Variants in UGT2B7 observed in about 807,000 individuals in gnomAD.
UGT2B7 encodes the protein UDP glucuronosyltransferase family 2 member B7, also known as UDP-glucuronosyltransferase 2B7.
In UGT2B7, 51 loss-of-function variants were observed where a neutral mutation model predicts 51.9. The observed-to-expected ratio is 0.98, with a 90% CI of 0.78 to 1.24. The LOEUF (loss-of-function observed/expected upper bound fraction) is 1.24, where lower values mean the gene tolerates loss of function less well. UGT2B7 is among the 50% of genes most tolerant of loss of function. The probability of loss-of-function intolerance (pLI) is 0.00; values close to 1 mark genes in which losing one functional copy is unlikely to be tolerated. For missense variants in UGT2B7, 727 were observed against 628.4 expected (o/e 1.16, Z -1.68); for synonymous variants, 225 against 211.6 (o/e 1.06, Z -0.55).
chr4:69,105,143 A>T (rs555504456), intron 3 of UGT2B7, among the ~76,000 whole-genome samples: 1 of 152,234 alleles, frequency 6.6e-6, no homozygotes, highest in African/African-American at 2.4e-5. Flanking sequence ...CCCCACAAGG[A>T]CTCTGCACTA....
chr4:69,080,985 A>G (rs987416137), intron 1 of UGT2B7, among the ~76,000 whole-genome samples: 1 of 151,998 alleles, frequency 6.6e-6, no homozygotes, highest in Admixed American at 6.5e-5. Flanking sequence ...AGCTGAGTAG[A>G]TAGATAAATT....
At chr4:69,081,289 A>G (rs904870163) in intron 1 of UGT2B7, among the ~76,000 whole-genome samples, 4 of 152,106 alleles carry the variant, frequency 2.6e-5, no homozygotes, top group African/African-American at 4.8e-5. Context: ...TATATTCCTC[A>G]CATTTACTAT....
intron 1 of UGT2B7, among the ~76,000 whole-genome samples, chr4:69,081,325 A>G (rs896072645): frequency 6.6e-6 from 1 of 150,870 alleles, no homozygotes; most frequent in Non-Finnish European, 1.5e-5. Context: ...CAGCCCTATA[A>G]TCTCATACTT....
intron 1 of UGT2B7, among the ~76,000 whole-genome samples, chr4:69,057,662 G>A (rs1366774003): frequency 6.6e-6 from 1 of 152,150 alleles, no homozygotes; most frequent in African/African-American, 2.4e-5. Flanking sequence ...AGGAACAACC[G>A]GGTCCGACTG....
chr4:69,098,974 C>T (rs1239676705), intron 2 of UGT2B7, among the ~76,000 whole-genome samples: 1 of 151,842 alleles, frequency 6.6e-6, no homozygotes, highest in Non-Finnish European at 1.5e-5. Flanking sequence ...GTCATCCAAT[C>T]AAATAATATT....
At chr4:69,058,280 G>A (rs1158061863) in intron 1 of UGT2B7, among the ~76,000 whole-genome samples, 2 of 152,166 alleles carry the variant, frequency 1.3e-5, no homozygotes, top group Non-Finnish European at 2.9e-5. Context: ...CTGCCTCTGA[G>A]GAGTCAAGCT....
At chr4:69,109,187 A>G (rs997906195) in intron 5 of UGT2B7, among the ~76,000 whole-genome samples, 6 of 152,192 alleles carry the variant, frequency 3.9e-5, no homozygotes, top group Middle Eastern at 3.4e-3. Flanking sequence ...ATTGTTTTCA[A>G]TTGTGGCTAT....
intron 2 of UGT2B7, among the ~76,000 whole-genome samples, chr4:69,100,193 A>G (rs1037765155): frequency 5.9e-5 from 9 of 152,056 alleles, no homozygotes; most frequent in Non-Finnish European, 1.2e-4. Flanking sequence ...ACTCGTCTCA[A>G]CATCATAGCT....
chr4:69,058,656 CCAGGGGGATAT>C (rs542959624), intron 1 of UGT2B7, among the ~76,000 whole-genome samples: 22 of 152,168 alleles, frequency 1.4e-4, no homozygotes, highest in African/African-American at 5.1e-4. Context: ...TAGAGCAGGC[CCAGGGGGATAT>C]CAGGCAAAAA....
upstream of UGT2B7, among the ~76,000 whole-genome samples, chr4:69,091,671 A>C (rs573115206): frequency 6.6e-6 from 1 of 152,196 alleles, no homozygotes; most frequent in Non-Finnish European, 1.5e-5. Flanking sequence ...GTGGGCTTCA[A>C]GTATTCTGCA....
upstream of UGT2B7, among the ~76,000 whole-genome samples, chr4:69,096,280 A>G (rs1719220132): frequency 6.6e-6 from 1 of 152,202 alleles, no homozygotes; most frequent in Non-Finnish European, 1.5e-5. Context: ...CCTTGATATT[A>G]GCTGAAGGAT....
chr4:69,102,701 T>A (rs1242347235), intron 2 of UGT2B7, 106 bp from the exon 3 acceptor site: 1 of 1,506,820 alleles, frequency 6.6e-7, no homozygotes, highest in African/African-American at 1.4e-5. Flanking sequence ...CTCCAATAAT[T>A]CCTCAAAATA....
chr4:69,107,384 A>G (rs1250837040), intron 4 of UGT2B7, 122 bp downstream of exon 4: 6 of 1,181,288 alleles, frequency 5.1e-6, no homozygotes, highest in Admixed American at 2.8e-5. Context: ...ACTTCTTTAT[A>G]TTGATTTTCC....
At position 69,112,627 on chromosome 4, in the gene UGT2B7, T is replaced by C. The variant is rs1283618140; in HGVS notation, c.1481T>C (p.Ile494Thr). The C allele has an allele frequency of 3.7e-6, 6 of 1,613,842 alleles. No homozygotes were observed. The highest frequency in any genetic ancestry group is 2.2e-5 in the East Asian group (1 of 44,886). ...TWFQYHSLDV[I>T]GFLLVCVATV... ...TTCCAGTACCACTCTTTGGATGTGATTGGGTTCCTGCTGGTCTGTGTGGCA... is the reference window on the plus strand; with the variant it reads ...TTCCAGTACCACTCTTTGGATGTGACTGGGTTCCTGCTGGTCTGTGTGGCA... Residue 494 changes from isoleucine to threonine, a missense_variant, in exon 6 of 6, where the codon ATT becomes ACT. By Grantham distance (89) the Ile-to-Thr change is moderately conservative. Coordinates refer to ENST00000305231, the MANE Select transcript of UGT2B7 (RefSeq NM_001074.4).
At chr4:69,096,254 C>A (rs1305368293), upstream of UGT2B7, among the ~76,000 whole-genome samples, 1 of 152,078 alleles carries the variant, frequency 6.6e-6, no homozygotes, top group Non-Finnish European at 1.5e-5. Flanking sequence ...AGACAGATGG[C>A]ATGTCCATAC....
chr4:69,084,704 G>T (rs1384107283), intron 1 of UGT2B7, among the ~76,000 whole-genome samples: 1 of 152,122 alleles, frequency 6.6e-6, no homozygotes, highest in East Asian at 1.9e-4. Flanking sequence ...ACTTAGCAGT[G>T]AAAACATGAA....
upstream of UGT2B7, among the ~76,000 whole-genome samples, chr4:69,094,631 T>C (rs144909815): frequency 3.6e-3 from 546 of 152,372 alleles, 1 homozygote; most frequent in African/African-American, 0.012. Flanking sequence ...ATATCAATGT[T>C]GATGGTTGCT....
chr4:69,074,427 A>AAAATATATATATATATATATAT (rs1718660230), intron 1 of UGT2B7, among the ~76,000 whole-genome samples: 2 of 116,068 alleles, frequency 1.7e-5, no homozygotes, highest in African/African-American at 6.6e-5. Flanking sequence ...CCTTATCTTA[A>AAAATATATATATATATATATAT]ATATATATAT....
chr4:69,080,365 C>A (rs547839365), intron 1 of UGT2B7, among the ~76,000 whole-genome samples: 3 of 151,728 alleles, frequency 2.0e-5, no homozygotes, highest in Non-Finnish European at 4.4e-5. Flanking sequence ...CTGGACAATG[C>A]GGTAAAACTC....
Sources: gnomAD v4.1 joint callset for allele counts (sites outside exome capture counted in the v4.1 genomes callset) on GRCh38, gnomAD v4.1.1 for gene constraint, MANE v1.5 for transcripts, NCBI Gene and HGNC (gene_info 2026-07-23, HGNC 2026-07-21) for gene names.